The following DIDO1 variants were observed in gnomAD, a reference collection of about 807,000 sequenced individuals.
The protein encoded by DIDO1 is death inducer-obliterator 1.
Under a neutral mutation model 99.4 loss-of-function variants are expected in DIDO1, and 16 were observed. The ratio of observed to expected loss-of-function variants is 0.16; its 90% CI spans 0.11 to 0.24. The LOEUF is 0.24. Among genes scored for constraint, DIDO1 ranks in the 10% least tolerant of loss-of-function variants. The pLI is 1.00. For missense variants in DIDO1, 2,996 were observed against 3,014.0 expected (o/e 0.99, Z 0.14); for synonymous variants, 1,366 against 1,239.1 (o/e 1.10, Z -2.15).
chr20:62,903,732 T>C (rs924032393), intron 6 of DIDO1, among the ~76,000 whole-genome samples: 1 of 152,174 alleles, frequency 6.6e-6, no homozygotes, highest in Non-Finnish European at 1.5e-5. Context: ...TCCCATCCTA[T>C]ACAAATTCTG....
chr20:62,879,413 G>A lies in DIDO1; in HGVS notation c.6543C>T (p.Arg2181=), dbSNP rs1382751131. Residue 2181 remains arginine, a synonymous_variant, in exon 16 of 16, where the codon CGC becomes CGT. Coordinates refer to ENST00000395343, the MANE Select transcript of DIDO1 (RefSeq NM_001193369.2). The surrounding 1 kb of genome is among the most constrained non-coding windows in gnomAD (Gnocchi z 6.3). ...RSRERSRNRE[R]ERDRRRDRDR... ...CCCGGTCGCGCCTCCGGTCTCGCTCGCGCTCTCGGTTCCTGCTCCGCTCCC... is the reference window on the plus strand; with the variant it reads ...CCCGGTCGCGCCTCCGGTCTCGCTCACGCTCTCGGTTCCTGCTCCGCTCCC... 6 of 1,543,856 alleles carry A rather than the reference G, an allele frequency of 3.9e-6. No individual in the cohort carries two copies. The Admixed American group carries it at 9.8e-5, about 25-fold the overall frequency.
rs2064316146 is a variant in DIDO1, at chr20:62,887,602, G to A, written c.3541+3358C>T. On this transcript the variant is annotated intron_variant, in intron 15 of 15. Transcript: ENST00000395343. ...CACAGGCATTTCAGACCAAGGCTCC[G>A]AGGCCTGCGGCTTCACGCGGAAATG... 12 of 985,388 alleles carry A rather than the reference G, an allele frequency of 1.2e-5. No individual in the cohort carries two copies. The South Asian group carries it at 1.9e-4, about 15-fold the overall frequency. The allele number at this position is 985,388 out of a possible 1,614,324, so 61.0% of individuals were successfully genotyped here. A position where few individuals can be genotyped will look rare whatever the true frequency, so the allele number is the denominator to read the frequency against.
At chr20:62,900,138 T>C (rs939427736) in intron 6 of DIDO1, among the ~76,000 whole-genome samples, 1 of 152,184 alleles carries the variant, frequency 6.6e-6, no homozygotes, top group Non-Finnish European at 1.5e-5. Flanking sequence ...GCAGTGGTGG[T>C]GACCTGGTCA....
chr20:62,910,232 T>C (rs910559656), intron 3 of DIDO1, among the ~76,000 whole-genome samples: 1 of 152,176 alleles, frequency 6.6e-6, no homozygotes, highest in East Asian at 1.9e-4. Flanking sequence ...AGGAGCAAAC[T>C]CTAAGGCATT....
chr20:62,879,562 GCCGGTCCCAGTCCCGCTCTCGGCT>G lies in DIDO1; in HGVS notation c.6370_6393del (p.Ser2124_Arg2131del). On this transcript the variant is annotated inframe_deletion, in exon 16 of 16. Transcript: ENST00000395343. The surrounding 1 kb of genome is among the most constrained non-coding windows in gnomAD (Gnocchi z 6.3). Reference sequence around the variant, plus strand: ...TCCCGGTGTCGGTCCCACTCCCGGGGCCGGTCCCAGTCCCGCTCTCGGCTCCAGTTTCGGCCGCGCTCGCGCTCT... The same window carrying G: ...TCCCGGTGTCGGTCCCACTCCCGGGGCCAGTTTCGGCCGCGCTCGCGCTCT... 2.5e-6 allele frequency: 4 copies of G among 1,600,476 alleles called. No homozygotes were observed. Among genetic ancestry groups the G allele is most frequent in the Non-Finnish European group, 3.4e-6 (4 of 1,179,120 alleles).
At chr20:62,887,413 AC>A in intron 15 of DIDO1, 1 of 985,502 alleles carries the variant, frequency 1.0e-6, no homozygotes, top group Non-Finnish European at 1.2e-6. Context: ...ATACAGAAAG[AC>A]ACTATGGATT....
chr20:62,903,062 A>G (rs898559302), intron 6 of DIDO1, among the ~76,000 whole-genome samples: 5 of 152,376 alleles, frequency 3.3e-5, no homozygotes, highest in Admixed American at 2.0e-4. Flanking sequence ...AAAAAATGGA[A>G]TAAGAATTTA....
In DIDO1 at chr20:62,904,150, T is replaced by C. The variant is rs929661754; in HGVS notation, c.1588+1737A>G. Among the ~76,000 whole-genome samples the C allele has an allele frequency of 3.9e-5, 6 of 152,254 alleles. No individual in the cohort carries two copies. The East Asian group carries it at 1.2e-3, about 29-fold the overall frequency. On this transcript the variant is annotated intron_variant, in intron 6 of 15. Transcript: ENST00000395343. ...GAACTGAGGCTATAACCGCAGTTTT[T>C]CTTTTCTTCACTGTTATGTGTCTAA...
chr20:62,894,003 G>C lies in DIDO1; in HGVS notation c.2764C>G (p.Pro922Ala). The C allele has an allele frequency of 2.5e-6, 4 of 1,614,164 alleles. No homozygotes were observed. Among genetic ancestry groups the C allele is most frequent in the Non-Finnish European group, 3.4e-6 (4 of 1,180,038 alleles). Residue 922 changes from proline to alanine, a missense_variant, in exon 12 of 16, where the codon CCA becomes GCA. By Grantham distance (27) the Pro-to-Ala change is conservative. Around this residue, in one of 5 missense-constraint regions of DIDO1, gnomAD observed 898 missense variants for 972.7 expected, o/e 0.92. Transcript: ENST00000395343. The surrounding 1 kb of genome is among the most constrained non-coding windows in gnomAD (Gnocchi z 4.4). ...GGGAAATACGTTCTGTCCACATTTG[G>C]ATGAGAAGCACTTTCTAGGCCTGGC... is the stretch of plus-strand genomic sequence containing the variant. Reference protein sequence around the residue: ...SEPGLESASHPNVDRTYFPGP... With the variant: ...SEPGLESASHANVDRTYFPGP...
chr20:62,923,037 T>C (rs2065186345), intron 1 of DIDO1, among the ~76,000 whole-genome samples: 1 of 152,314 alleles, frequency 6.6e-6, no homozygotes, highest in Admixed American at 6.5e-5. Context: ...AGTCTTGCTC[T>C]GTCACCCAGG....
chr20:62,905,579 A>T (rs760925176), intron 6 of DIDO1: 1 of 1,551,158 alleles, frequency 6.4e-7, no homozygotes, highest in South Asian at 1.2e-5. Context: ...TGGGATGAAG[A>T]GAATACGAAT....
chr20:62,901,947 T>C (rs1258742865), intron 6 of DIDO1, among the ~76,000 whole-genome samples: 1 of 151,484 alleles, frequency 6.6e-6, no homozygotes, highest in African/African-American at 2.4e-5. Context: ...ACACCGAGAA[T>C]GCCGAGGAGG....
rs781556913 is a variant in DIDO1 at position 62,880,122 on chromosome 20, A to G, written c.5834T>C (p.Phe1945Ser). ...ETARGPHPNQ[F>S]EGPRGQAPNF... is the part of the protein sequence containing the mutation. ...AGGCGCTTGGCCTCTGGGTCCTTCA[A>G]ACTGGTTGGGATGAGGGCCCCGGGC... is the stretch of plus-strand genomic sequence containing the variant. Residue 1945 changes from phenylalanine to serine, a missense_variant, in exon 16 of 16, where the codon TTT becomes TCT. This residue lies in a region of DIDO1 where 1,562 missense variants were observed against 1,412.6 expected (regional missense o/e 1.11). Transcript: ENST00000395343. 4.3e-6 allele frequency: 7 copies of G among 1,612,430 alleles called. No individual in the cohort carries two copies. The Admixed American group carries it at 6.7e-5, about 15-fold the overall frequency.
intron 1 of DIDO1, among the ~76,000 whole-genome samples, chr20:62,937,532 C>T (rs2065404095): frequency 6.6e-6 from 1 of 152,250 alleles, no homozygotes; most frequent in Admixed American, 6.5e-5. Context: ...CTTCTGATTC[C>T]CCACCTGGCC....
rs1481774871 is a variant in DIDO1, at chr20:62,879,599, G to A, written c.6357C>T (p.Arg2119=). 1.2e-6 allele frequency: 2 copies of A among 1,602,510 alleles called. No homozygotes were observed. Among genetic ancestry groups the A allele is most frequent in the South Asian group, 1.1e-5 (1 of 91,008 alleles). The change falls in exon 16 of 16, where the codon CGC becomes CGT. Residue 2119 remains arginine (R), a synonymous_variant. Transcript: ENST00000395343. This position sits in a 1 kb window ranked among gnomAD's most constrained non-coding sequence, Gnocchi z 6.3. ...CCCGCTCTCGGCTCCAGTTTCGGCC[G>A]CGCTCGCGCTCTCTCCTCCTGTCCT... ...ASEDRRRERE[R]GRNWSRERDW...
At position 62,905,982 on chromosome 20, in the gene DIDO1, C is replaced by G. The variant is rs1275691906; in HGVS notation, c.1493G>C (p.Cys498Ser). 2 of 1,613,968 alleles carry G rather than the reference C, an allele frequency of 1.2e-6. No individual in the cohort carries two copies. The highest frequency in any genetic ancestry group is 1.3e-5 in the African/African-American group (1 of 74,906). Reference sequence around the variant, plus strand: ...CGCCCACGACGGCGTGCTGCTCTCACAAGCTGCTTCCTTCCCGAGTGCTTC... The same window carrying G: ...CGCCCACGACGGCGTGCTGCTCTCAGAAGCTGCTTCCTTCCCGAGTGCTTC... ...RSEALGKEAACESSTPSWASD... is the reference protein window; with the variant it reads ...RSEALGKEAASESSTPSWASD... Residue 498 changes from cysteine to serine, a missense_variant, in exon 6 of 16, where the codon TGT (cysteine) becomes TCT (serine). By Grantham distance (112) the Cys-to-Ser change is moderately radical. This residue lies in a region of DIDO1 where 898 missense variants were observed against 972.7 expected (regional missense o/e 0.92). Transcript: ENST00000395343.
At position 62,900,152 on chromosome 20, in the gene DIDO1, C is replaced by T. The variant is rs376332550; in HGVS notation, c.1589-3156G>A. On this transcript the variant is annotated intron_variant, in intron 6 of 15. Coordinates refer to ENST00000395343, the MANE Select transcript of DIDO1 (RefSeq NM_001193369.2). Reference sequence around the variant, plus strand: ...AGCAGTGGTGGTGACCTGGTCACACCGCACAGCACTGATGCCTGAGAGCCA... The same window carrying T: ...AGCAGTGGTGGTGACCTGGTCACACTGCACAGCACTGATGCCTGAGAGCCA... Among the ~76,000 whole-genome samples the T allele has an allele frequency of 3.3e-4, 50 of 152,324 alleles. 1 individual carries two copies. Among genetic ancestry groups the T allele is most frequent in the African/African-American group, 9.6e-4 (40 of 41,572 alleles).
Position 62,914,298 on chromosome 20 carries a change from A to C in DIDO1, c.-91T>G, listed in dbSNP as rs1568876293. On this transcript the variant is annotated 5_prime_UTR_variant, in exon 2 of 16. Transcript: ENST00000395343. ...GCAGACGAAACCTCTGGGTCCAAGC[A>C]GACAGCCAGGCTCACAACAACACTG... 6.6e-6 allele frequency: 1 copy of C among 152,300 alleles called. No homozygotes were observed. The highest frequency in any genetic ancestry group is 1.9e-4 in the East Asian group (1 of 5,190). 9.4% of individuals were successfully genotyped at this position (152,300 alleles called of 1,614,324 possible). A position where few individuals can be genotyped will look rare whatever the true frequency, so the allele number is the denominator to read the frequency against.
Position 62,906,056 on chromosome 20 carries a change from T to C in DIDO1, c.1419A>G (p.Glu473=). The C allele has an allele frequency of 1.2e-6, 2 of 1,613,682 alleles. No homozygotes were observed. Among genetic ancestry groups the C allele is most frequent in the Non-Finnish European group, 8.5e-7 (1 of 1,180,000 alleles). ...CCTTCTTCACTGTGGTCTCTTTTTT[T>C]TCTGGAGCTGGTCTCTTGTGCACAG... ...ISSVHKRPAP[E]KKETTVKKAV... Residue 473 remains glutamate, a synonymous_variant, in exon 6 of 16, where the codon GAA becomes GAG. Transcript: ENST00000395343.
Sources: allele counts gnomAD v4.1 joint callset (sites outside exome capture counted in the v4.1 genomes callset), GRCh38; gene constraint gnomAD v4.1.1; regional missense constraint gnomAD v4.1.1; non-coding constraint Gnocchi (gnomAD v3.1); transcripts MANE v1.5; gene names NCBI Gene and HGNC (gene_info 2026-07-23, HGNC 2026-07-21).